Variants in RIMBP2 observed in about 807,000 individuals in gnomAD.
RIMBP2 encodes RIMS-binding protein 2.
In RIMBP2, 48 loss-of-function variants were observed where a neutral mutation model predicts 118.6. That is an observed-to-expected ratio of 0.40 (90% CI 0.32 to 0.51). RIMBP2 has a LOEUF of 0.51. RIMBP2 is among the 20% of genes least tolerant of loss of function. RIMBP2 has a pLI of 0.41. For missense variants in RIMBP2, 1,551 were observed against 1,768.3 expected (o/e 0.88, Z 2.20); for synonymous variants, 762 against 742.9 (o/e 1.03, Z -0.42).
In RIMBP2 at chr12:130,635,647, T is replaced by C. The variant is rs142788076; in HGVS notation, c.-351-7191A>G. On this transcript the variant is annotated intron_variant, in intron 1 of 22. Coordinates refer to ENST00000690449, the MANE Select transcript of RIMBP2 (RefSeq NM_001393629.1). Reference sequence around the variant, plus strand: ...CATTGAGAGCTGCACCCCAAGACACTGGCAATTTCTGTGCTCTGGACACCA... The same window carrying C: ...CATTGAGAGCTGCACCCCAAGACACCGGCAATTTCTGTGCTCTGGACACCA... Among the ~76,000 whole-genome samples the C allele has an allele frequency of 5.9e-5, 9 of 152,260 alleles. No individual in the cohort carries two copies. The East Asian group carries it at 1.7e-3, about 29-fold the overall frequency.
intron 1 of RIMBP2, among the ~76,000 whole-genome samples, chr12:130,691,940 CGAG>C (rs2065327525): frequency 6.6e-6 from 1 of 151,938 alleles, no homozygotes; most frequent in African/African-American, 2.4e-5. Context: ...GTTTCTAGAA[CGAG>C]GAGAAGCGGA....
chr12:130,565,447 ATGT>A (rs1285696515), intron 2 of RIMBP2, among the ~76,000 whole-genome samples: 10 of 152,172 alleles, frequency 6.6e-5, no homozygotes, highest in Non-Finnish European at 1.5e-4. Context: ...TGCATCAATG[ATGT>A]TGTTTCATTT....
chr12:130,531,953 GT>G (rs2053435116), intron 2 of RIMBP2, among the ~76,000 whole-genome samples: 1 of 129,730 alleles, frequency 7.7e-6, no homozygotes, highest in African/African-American at 3.1e-5. Context: ...TAGGAGGTAC[GT>G]CTAATGAGAT....
chr12:130,580,293 C>T (rs2058378705), intron 2 of RIMBP2, among the ~76,000 whole-genome samples: 3 of 152,118 alleles, frequency 2.0e-5, no homozygotes, highest in Admixed American at 6.5e-5. Flanking sequence ...ATGTCAAGGG[C>T]GGGGCCAGGT....
At chr12:130,498,633 CAAAAAAAAA>C (rs35549770) in intron 4 of RIMBP2, among the ~76,000 whole-genome samples, 1 of 115,694 alleles carries the variant, frequency 8.6e-6, no homozygotes, top group Non-Finnish European at 1.7e-5. Context: ...AAACAGCATT[CAAAAAAAAA>C]AAAAAAAAAC....
At chr12:130,462,058 C>T (rs982473918) in intron 6 of RIMBP2, among the ~76,000 whole-genome samples, 2 of 152,352 alleles carry the variant, frequency 1.3e-5, no homozygotes, top group South Asian at 4.1e-4. Flanking sequence ...GCTGTGGCTG[C>T]TGGCCGTGGT....
chr12:130,459,063 A>AAACAG (rs2079733382), intron 6 of RIMBP2, among the ~76,000 whole-genome samples: 1 of 151,628 alleles, frequency 6.6e-6, no homozygotes, highest in South Asian at 2.1e-4. Flanking sequence ...AAAAAAACAA[A>AAACAG]AAAAAAGTGA....
At chr12:130,487,553 C>T (rs1041680174) in intron 4 of RIMBP2, among the ~76,000 whole-genome samples, 5 of 152,232 alleles carry the variant, frequency 3.3e-5, no homozygotes, top group Non-Finnish European at 7.3e-5. Context: ...CATGCTTGTA[C>T]AGCCTGCAGA....
At chr12:130,506,481 CT>C (rs1195824470) in intron 4 of RIMBP2, among the ~76,000 whole-genome samples, 166 bp downstream of exon 4, 1 of 152,122 alleles carries the variant, frequency 6.6e-6, no homozygotes, top group Non-Finnish European at 1.5e-5. Context: ...TTATTTATTG[CT>C]TTTTATACCA....
chr12:130,555,186 C>T (rs1053266014), intron 2 of RIMBP2, among the ~76,000 whole-genome samples: 1 of 152,180 alleles, frequency 6.6e-6, no homozygotes, highest in African/African-American at 2.4e-5. Flanking sequence ...TATCCTGTAT[C>T]AGCTCCCTGT....
chr12:130,646,361 A>ACTTG lies in RIMBP2; in HGVS notation c.-351-17906_-351-17905insCAAG, dbSNP rs2062953931. Among the ~76,000 whole-genome samples, 3 of 126,400 alleles carry ACTTG rather than the reference A, an allele frequency of 2.4e-5. 1 individual carries two copies. Among genetic ancestry groups the ACTTG allele is most frequent in the Non-Finnish European group, 5.2e-5 (3 of 57,748 alleles). 82.9% of individuals were successfully genotyped at this position (126,400 alleles called of 152,430 possible). A position where few individuals can be genotyped will look rare whatever the true frequency, so the allele number is the denominator to read the frequency against. ...CACCTCCCTCACCACCTCCCTCACC[A>ACTTG]CCTCCCTCACCACCTCCCTCACCAC... On this transcript the variant is annotated intron_variant, in intron 1 of 22. Coordinates refer to ENST00000690449, the MANE Select transcript of RIMBP2 (RefSeq NM_001393629.1).
intron 2 of RIMBP2, among the ~76,000 whole-genome samples, chr12:130,582,969 C>T (rs1246424011): frequency 1.3e-5 from 2 of 152,186 alleles, no homozygotes; most frequent in Admixed American, 6.5e-5. Flanking sequence ...TATTTGTTAA[C>T]GTCCTCTTCT....
Position 130,399,772 on chromosome 12 carries a change from G to A in RIMBP2, c.3807C>T (p.Phe1269=). 6.2e-7 allele frequency: 1 copy of A among 1,614,192 alleles called. No individual in the cohort carries two copies. Among genetic ancestry groups the A allele is most frequent in the South Asian group, 1.1e-5 (1 of 91,084 alleles). The part of the protein sequence containing the change: ...NGQKGLVPSN[F]LEEVPDDVEV... The stretch of plus-strand genomic sequence containing the variant: ...CTACGTCATCAGGCACTTCTTCCAA[G>A]AAGTTTGAGGGCACAAGGCCTTTCT... Residue 1269 remains phenylalanine, a synonymous_variant, in exon 22 of 23, where the codon TTC becomes TTT. Transcript: ENST00000690449.
At chr12:130,432,148 G>C (rs919555252) in intron 14 of RIMBP2, 8 of 448,086 alleles carry the variant, frequency 1.8e-5, no homozygotes, top group Admixed American at 9.6e-5. Flanking sequence ...AATCTGAGCA[G>C]ATTGCAGGGA....
chr12:130,504,044 A>C, intron 4 of RIMBP2, among the ~76,000 whole-genome samples: 1 of 152,206 alleles, frequency 6.6e-6, no homozygotes, highest in Non-Finnish European at 1.5e-5. Context: ...CCATGCTGGG[A>C]GCAGGGGGGG....
chr12:130,538,052 C>G (rs1403580133), intron 2 of RIMBP2, among the ~76,000 whole-genome samples: 1 of 152,122 alleles, frequency 6.6e-6, no homozygotes, highest in Non-Finnish European at 1.5e-5. Context: ...AGTAGAACCC[C>G]TCAGTGTGGA....
At chr12:130,474,358 C>G (rs142159665) in intron 5 of RIMBP2, among the ~76,000 whole-genome samples, 1 of 152,198 alleles carries the variant, frequency 6.6e-6, no homozygotes, top group Non-Finnish European at 1.5e-5. Context: ...CCTACTGCCC[C>G]GACTGACGGA....
rs2062921254 is a variant in RIMBP2, at chr12:130,646,200, TCTC to T, written c.-351-17747_-351-17745del. Among the ~76,000 whole-genome samples, 8 of 69,610 alleles carry T rather than the reference TCTC, an allele frequency of 1.1e-4. 3 individuals are homozygous for T. The highest frequency in any genetic ancestry group is 8.0e-4 in the Admixed American group (6 of 7,490). 45.7% of individuals were successfully genotyped at this position (69,610 alleles called of 152,430 possible). A position where few individuals can be genotyped will look rare whatever the true frequency, so the allele number is the denominator to read the frequency against. On this transcript the variant is annotated intron_variant, in intron 1 of 22. Transcript: ENST00000690449. ...CTCTCCACCTCCCTCACCACTTCCCTCTCCACCTCCCTCTCCACCTCCCTCACC... is the reference window on the plus strand; with the variant it reads ...CTCTCCACCTCCCTCACCACTTCCCTCACCTCCCTCTCCACCTCCCTCACC...
At chr12:130,575,233 C>T (rs551363934) in intron 2 of RIMBP2, among the ~76,000 whole-genome samples, 1 of 140,908 alleles carries the variant, frequency 7.1e-6, no homozygotes, top group African/African-American at 2.7e-5. Context: ...CCCCCACCCC[C>T]GGCAGTAGCC....
Sources: allele counts gnomAD v4.1 joint callset (sites outside exome capture counted in the v4.1 genomes callset), GRCh38; gene constraint gnomAD v4.1.1; transcripts MANE v1.5; gene names NCBI Gene and HGNC (gene_info 2026-07-23, HGNC 2026-07-21).